The following SMURF1 variants were observed in gnomAD, a reference collection of about 807,000 sequenced individuals.
SMURF1 encodes the protein E3 ubiquitin-protein ligase SMURF1.
In SMURF1, 44 loss-of-function variants were observed where a neutral mutation model predicts 98.0. The ratio of observed to expected loss-of-function variants is 0.45; its 90% confidence interval spans 0.35 to 0.58. The LOEUF is 0.58. Among genes scored for constraint, SMURF1 ranks in the 20% least tolerant of loss-of-function variants. The pLI is 0.00. For synonymous variants in SMURF1, 396 were observed against 374.9 expected (o/e 1.06, Z -0.65); for missense variants, 687 against 938.4 (o/e 0.73, Z 3.50).
At position 99,089,560 on chromosome 7, in the gene SMURF1, G is replaced by A. The variant is rs187626438; in HGVS notation, c.56-27723C>T. On this transcript the variant is annotated intron_variant, in intron 1 of 17. Transcript: ENST00000361368. ...GGAGGCTGAGGTGGGAGAATCACTT[G>A]AGCCCAGGAGTTCCAGGCTGCAGTC... Among the ~76,000 whole-genome samples the A allele has an allele frequency of 1.0e-3, 159 of 152,212 alleles. 2 individuals carry two copies. The highest frequency in any genetic ancestry group is 3.6e-3 in the African/African-American group (151 of 41,520).
chr7:99,038,715 C>T (rs569466431), intron 13 of SMURF1, among the ~76,000 whole-genome samples, 190 bp from the exon 14 acceptor site: 21 of 152,266 alleles, frequency 1.4e-4, no homozygotes, highest in Non-Finnish European at 2.9e-4. Flanking sequence ...GCTCTGTTTC[C>T]AGATGTCCCG....
At chr7:99,056,715 G>C (rs1006378045) in intron 5 of SMURF1, among the ~76,000 whole-genome samples, 6 of 152,188 alleles carry the variant, frequency 3.9e-5, no homozygotes, top group African/African-American at 1.4e-4. Flanking sequence ...AAAGCCAAGA[G>C]AAGGGGGCCG....
intron 1 of SMURF1, among the ~76,000 whole-genome samples, chr7:99,105,887 G>A (rs554436265): frequency 1.6e-4 from 25 of 152,258 alleles, no homozygotes; most frequent in Middle Eastern, 3.4e-3. Flanking sequence ...AACACATTTT[G>A]CCAAGTGCTA....
At chr7:99,058,289 C>T (rs1169927350) in intron 3 of SMURF1, among the ~76,000 whole-genome samples, 1 of 151,998 alleles carries the variant, frequency 6.6e-6, no homozygotes, top group Non-Finnish European at 1.5e-5. Flanking sequence ...GCCACCACAC[C>T]TGGCTAATTT....
intron 1 of SMURF1, among the ~76,000 whole-genome samples, chr7:99,069,873 A>G (rs1563015644): frequency 6.6e-6 from 1 of 152,202 alleles, no homozygotes; most frequent in East Asian, 1.9e-4. Context: ...ACATGTTTCC[A>G]CTATTCAGAC....
chr7:99,100,108 TAAAAA>T (rs10559622), intron 1 of SMURF1, among the ~76,000 whole-genome samples: 4 of 141,682 alleles, frequency 2.8e-5, no homozygotes, highest in Non-Finnish European at 3.0e-5. Flanking sequence ...TGGGAAAAGT[TAAAAA>T]AAAAAAAAAA....
At chr7:99,093,986 C>T (rs1384178934) in intron 1 of SMURF1, among the ~76,000 whole-genome samples, 2 of 152,066 alleles carry the variant, frequency 1.3e-5, no homozygotes, top group African/African-American at 4.8e-5. Flanking sequence ...AATTTACGCA[C>T]AAGATTAACA....
intron 7 of SMURF1, 85 bp from the exon 8 acceptor site, chr7:99,051,526 T>C: frequency 9.6e-7 from 1 of 1,046,736 alleles, no homozygotes; most frequent in Non-Finnish European, 1.5e-6. Context: ...TCACGTCTGG[T>C]ATTATCTAAA....
At chr7:99,088,257 C>CAAAAA (rs537503861) in intron 1 of SMURF1, among the ~76,000 whole-genome samples, 1 of 131,360 alleles carries the variant, frequency 7.6e-6, no homozygotes. Context: ...GACTCTGTCT[C>CAAAAA]AAAAAAAAAA....
rs530905986 is a variant in SMURF1, at chr7:99,042,901, C to T, written c.1257-669G>A. On this transcript the variant is annotated intron_variant, in intron 11 of 17. Coordinates refer to ENST00000361368, the MANE Select transcript of SMURF1 (RefSeq NM_181349.3). ...ACAGACACAAATGCAGATAATCTGT[C>T]CAAGAAAATCGTGAGAATACACAAA... Among the ~76,000 whole-genome samples, 19 of 152,256 alleles carry T rather than the reference C, an allele frequency of 1.2e-4. No individual in the cohort carries two copies. In the South Asian group the frequency reaches 3.7e-3, roughly 30 times the overall value.
At position 99,040,375 on chromosome 7, in the gene SMURF1, T is replaced by C. The variant is rs768848330; in HGVS notation, c.1550+3A>G. The C allele has an allele frequency of 6.0e-6, 9 of 1,509,420 alleles. No homozygotes were observed. The Admixed American group carries it at 2.0e-4, about 34-fold the overall frequency. 93.5% of individuals were successfully genotyped at this position (1,509,420 alleles called of 1,614,324 possible). On this transcript the variant is annotated splice_donor_region_variant and intron_variant, in intron 13 of 17. Transcript: ENST00000361368. ...AGGTGACCGGCCGTCAGTCAATACT[T>C]ACAGGATCCACACCAAGCTCTTATG...
At chr7:99,102,571 G>A (rs569633252) in intron 1 of SMURF1, among the ~76,000 whole-genome samples, 37 of 151,864 alleles carry the variant, frequency 2.4e-4, no homozygotes, top group South Asian at 1.2e-3. Context: ...TGTGTCAAAC[G>A]GATGATTCAG....
At chr7:99,115,540 C>A (rs1054738774) in intron 1 of SMURF1, among the ~76,000 whole-genome samples, 1 of 152,030 alleles carries the variant, frequency 6.6e-6, no homozygotes, top group Non-Finnish European at 1.5e-5. Flanking sequence ...CTGCAGTGAG[C>A]TGAGATCATA....
chr7:99,077,335 T>A lies in SMURF1; in HGVS notation c.56-15498A>T, dbSNP rs536093964. ...TTCTTTTTTTTTATTTTTTTTATTT[T>A]TTTTTATTTTTTTTTTGAGATGGAG... On this transcript the variant is annotated intron_variant, in intron 1 of 17. Coordinates refer to ENST00000361368, the MANE Select transcript of SMURF1 (RefSeq NM_181349.3). 1.1e-3 allele frequency among the ~76,000 whole-genome samples: 166 copies of A among 151,540 alleles called. 1 individual carries two copies. The highest frequency in any genetic ancestry group is 3.4e-3 in the Middle Eastern group (1 of 292).
At chr7:99,040,025 T>C (rs970886742) in intron 13 of SMURF1, among the ~76,000 whole-genome samples, 1 of 152,170 alleles carries the variant, frequency 6.6e-6, no homozygotes, top group Non-Finnish European at 1.5e-5. Context: ...TGATCGCGCC[T>C]TCTTCATTCA....
intron 13 of SMURF1, among the ~76,000 whole-genome samples, chr7:99,039,863 AAC>A (rs1368218116): frequency 1.2e-4 from 19 of 152,326 alleles, no homozygotes; most frequent in African/African-American, 4.6e-4. Context: ...TGCTGCTCTT[AAC>A]AGAGTGTTTA....
At chr7:99,066,753 T>G (rs1342357572) in intron 1 of SMURF1, among the ~76,000 whole-genome samples, 3 of 147,930 alleles carry the variant, frequency 2.0e-5, no homozygotes, top group Non-Finnish European at 4.5e-5. Flanking sequence ...CACTCCAGCC[T>G]GGGTGACACA....
intron 1 of SMURF1, among the ~76,000 whole-genome samples, chr7:99,124,809 A>G (rs1487009282): frequency 3.9e-5 from 6 of 152,164 alleles, no homozygotes; most frequent in Admixed American, 3.9e-4. Context: ...GGCCAACTAA[A>G]CTTCCCTCTG....
intron 1 of SMURF1, among the ~76,000 whole-genome samples, chr7:99,075,513 A>C (rs543776061): frequency 6.6e-6 from 1 of 152,262 alleles, no homozygotes; most frequent in East Asian, 1.9e-4. Context: ...AGGTAGGAGT[A>C]GTCTTGTGGG....
Sources: gnomAD v4.1 joint callset for allele counts (sites outside exome capture counted in the v4.1 genomes callset) on GRCh38, gnomAD v4.1.1 for gene constraint, MANE v1.5 for transcripts, NCBI Gene and HGNC (gene_info 2026-07-23, HGNC 2026-07-21) for gene names.